Variants in IPO11 observed in about 807,000 individuals in gnomAD.
IPO11 encodes importin 11, also known as importin-11.
In IPO11, 66 loss-of-function variants were observed where a neutral mutation model predicts 143.2. The observed-to-expected ratio is 0.46, with a 90% CI of 0.38 to 0.57. The LOEUF is 0.57. IPO11 is among the 20% of genes least tolerant of loss of function. The pLI is 0.00. For missense variants in IPO11, 1,026 were observed against 1,141.0 expected, an observed-to-expected ratio of 0.90 and a Z score of 1.45; for synonymous variants, 385 against 377.8, an observed-to-expected ratio of 1.02 and a Z score of -0.22.
At chr5:62,626,846 G>A (rs760000483) in intron 29 of IPO11, among the ~76,000 whole-genome samples, 5 of 152,134 alleles carry the variant, frequency 3.3e-5, no homozygotes, top group Non-Finnish European at 7.4e-5. Flanking sequence ...TCTTCAGCAT[G>A]TTCTGTTTCT....
At chr5:62,599,849 G>A (rs925436822) in intron 28 of IPO11, among the ~76,000 whole-genome samples, 3 of 152,132 alleles carry the variant, frequency 2.0e-5, no homozygotes, top group South Asian at 2.1e-4. Context: ...TATGTAAAGC[G>A]TGATTGTCTA....
At chr5:62,606,506 A>AAAAAAG (rs70981028) in intron 29 of IPO11, among the ~76,000 whole-genome samples, 1 of 147,922 alleles carries the variant, frequency 6.8e-6, no homozygotes, top group African/African-American at 2.5e-5. Context: ...AAAAAAAAAA[A>AAAAAAG]GGAGAACCCT....
At chr5:62,565,416 G>A (rs1743899990) in intron 27 of IPO11, among the ~76,000 whole-genome samples, 1 of 152,118 alleles carries the variant, frequency 6.6e-6, no homozygotes, top group Admixed American at 6.5e-5. Context: ...AACCCGGGAG[G>A]CAGAGGTTGC....
chr5:62,613,219 T>G (rs1029086271), intron 29 of IPO11, among the ~76,000 whole-genome samples: 2 of 152,040 alleles, frequency 1.3e-5, no homozygotes. Flanking sequence ...TTTGATTATC[T>G]GATTTTAAAT....
chr5:62,623,275 A>G (rs1746438035), intron 29 of IPO11, among the ~76,000 whole-genome samples: 1 of 152,234 alleles, frequency 6.6e-6, no homozygotes, highest in African/African-American at 2.4e-5. Flanking sequence ...TAGTGTATTT[A>G]TATGTCTCCT....
chr5:62,487,735 T>A (rs745931634), intron 12 of IPO11, 36 bp from the exon 13 acceptor site: 2 of 1,520,170 alleles, frequency 1.3e-6, no homozygotes, highest in South Asian at 2.7e-5. Flanking sequence ...AGTATGCAAC[T>A]GTTTTGATGA....
At chr5:62,589,518 A>C (rs1244013460) in intron 27 of IPO11, among the ~76,000 whole-genome samples, 3 of 152,146 alleles carry the variant, frequency 2.0e-5, no homozygotes. Context: ...TTAGTTGCCA[A>C]ATCCTGTGAT....
chr5:62,476,192 A>G (rs1001654277), intron 8 of IPO11, among the ~76,000 whole-genome samples: 10 of 152,366 alleles, frequency 6.6e-5, no homozygotes, highest in Middle Eastern at 3.4e-3. Flanking sequence ...GAATAAGACA[A>G]ATTAACAAAC....
intron 21 of IPO11, 37 bp from the exon 22 acceptor site, chr5:62,530,672 A>G: frequency 7.4e-7 from 1 of 1,356,704 alleles, no homozygotes; most frequent in Non-Finnish European, 1.1e-6. Context: ...TTTAATGGGC[A>G]TGGAAAGTGG....
Position 62,456,033 on chromosome 5 carries a change from A to AT in IPO11, c.516+4104dup, listed in dbSNP as rs551124848. Among the ~76,000 whole-genome samples the AT allele has an allele frequency of 3.3e-3, 503 of 151,784 alleles. 1 individual carries two copies. The highest frequency in any genetic ancestry group is 0.012 in the African/African-American group (483 of 41,400). On this transcript the variant is annotated intron_variant, in intron 5 of 29. Transcript: ENST00000325324. ...TACCACTGTGCCTGGCCAGGAATTC[A>AT]TTTTCTTTTTTTTGAGAAGGGGTCT...
At chr5:62,470,816 C>CTGTTT (rs1198613339) in intron 7 of IPO11, among the ~76,000 whole-genome samples, 1 of 62,536 alleles carries the variant, frequency 1.6e-5, no homozygotes, top group African/African-American at 6.8e-5. Context: ...TAGCCATCTT[C>CTGTTT]TTTTTTTTTT....
At chr5:62,612,948 G>A (rs1745980755) in intron 29 of IPO11, among the ~76,000 whole-genome samples, 1 of 152,222 alleles carries the variant, frequency 6.6e-6, no homozygotes, top group South Asian at 2.1e-4. Flanking sequence ...GATATGCTGG[G>A]CTGAAGGATA....
chr5:62,526,308 C>T, intron 21 of IPO11, 51 bp downstream of exon 21: 1 of 1,266,182 alleles, frequency 7.9e-7, no homozygotes, highest in South Asian at 1.2e-5. Flanking sequence ...GTGACCTTTC[C>T]TACTCTCATG....
At chr5:62,588,714 T>C (rs1379171690) in intron 27 of IPO11, among the ~76,000 whole-genome samples, 2 of 152,212 alleles carry the variant, frequency 1.3e-5, no homozygotes, top group Admixed American at 6.5e-5. Flanking sequence ...CTTCCAAGCC[T>C]GAATTGCCTG....
Position 62,587,692 on chromosome 5 carries a change from G to A in IPO11, c.2583-3885G>A, listed in dbSNP as rs1386900243. ...TTTAGAGACTGTTAACCCCCTCATT[G>A]TTCAAATGAGAAATGGTGATGATGC... On this transcript the variant is annotated intron_variant, in intron 27 of 29. Coordinates refer to ENST00000325324, the MANE Select transcript of IPO11 (RefSeq NM_016338.5). Among the ~76,000 whole-genome samples the A allele has an allele frequency of 2.6e-5, 4 of 152,178 alleles. No individual in the cohort carries two copies. In the East Asian group the frequency reaches 7.7e-4, roughly 29 times the overall value.
chr5:62,429,300 G>A (rs907600838), intron 1 of IPO11, among the ~76,000 whole-genome samples: 10 of 152,184 alleles, frequency 6.6e-5, no homozygotes, highest in African/African-American at 2.4e-4. Flanking sequence ...CTTCTGCTTA[G>A]TGTGATGTTT....
In IPO11 at chr5:62,526,155, A is replaced by G. The variant is rs1291809767; in HGVS notation, c.1910A>G (p.Asp637Gly). ...LIHLVQGLGA[D>G]SKNLYPFLLP... The stretch of plus-strand genomic sequence containing the variant: ...TACTTCCCATAGGGATTAGGAGCAG[A>G]CAGCAAGAACCTGTACCCTTTCCTG... The change falls in exon 21 of 30, where the codon GAC becomes GGC. Residue 637 changes from aspartate (D) to glycine (G), a missense_variant. Asp to Gly is a moderately conservative substitution (Grantham distance 94). This residue lies in a region of IPO11 where 237 missense variants were observed against 288.0 expected (regional missense o/e 0.82). Transcript: ENST00000325324. The G allele has an allele frequency of 3.1e-6, 5 of 1,611,470 alleles. No homozygotes were observed. In the Admixed American group the frequency reaches 8.3e-5, roughly 27 times the overall value.
intron 19 of IPO11, among the ~76,000 whole-genome samples, chr5:62,510,992 G>A (rs1186373015): frequency 1.2e-4 from 18 of 152,044 alleles, no homozygotes; most frequent in Admixed American, 7.2e-4. Flanking sequence ...CCTTGGCCTC[G>A]CAAAGTGCTG....
intron 24 of IPO11, 57 bp downstream of exon 24, chr5:62,537,346 A>G: frequency 8.8e-7 from 1 of 1,136,984 alleles, no homozygotes; most frequent in South Asian, 1.3e-5. Context: ...TATTTTATGA[A>G]ATTGGACTTT....
Sources: allele counts gnomAD v4.1 joint callset (sites outside exome capture counted in the v4.1 genomes callset), GRCh38; gene constraint gnomAD v4.1.1; regional missense constraint gnomAD v4.1.1; transcripts MANE v1.5; gene names NCBI Gene and HGNC (gene_info 2026-07-23, HGNC 2026-07-21).